Variants in SNX9 observed in about 807,000 individuals in gnomAD.
The protein encoded by SNX9 is sorting nexin 9, also known as sorting nexin-9.
SNX9 carries 44 observed loss-of-function variants against 89.4 expected under a neutral mutation model. That is an observed-to-expected ratio of 0.49 (90% CI 0.39 to 0.63). The LOEUF is 0.63. SNX9 is among the 30% of genes least tolerant of loss of function. SNX9 has a pLI of 0.00. For missense variants in SNX9, 578 were observed against 736.1 expected (o/e 0.79, Z 2.49); for synonymous variants, 236 against 247.8 (o/e 0.95, Z 0.45).
rs538498109 is a variant in SNX9, at chr6:157,921,203, T to A, written c.950-328T>A. Among the ~76,000 whole-genome samples the A allele has an allele frequency of 9.2e-5, 14 of 152,336 alleles. 1 individual carries two copies. The highest frequency in any genetic ancestry group is 3.4e-3 in the Middle Eastern group (1 of 294). On this transcript the variant is annotated intron_variant, in intron 9 of 17. Coordinates refer to ENST00000392185, the MANE Select transcript of SNX9 (RefSeq NM_016224.5). Reference sequence around the variant, plus strand: ...AAAGAGACAGGTTTTCATGTTGAGATAAGATTTAATTTTTTTTTAGTACTT... The same window carrying A: ...AAAGAGACAGGTTTTCATGTTGAGAAAAGATTTAATTTTTTTTTAGTACTT...
chr6:157,876,136 C>T lies in SNX9; in HGVS notation c.300+960C>T, dbSNP rs980035259. On this transcript the variant is annotated intron_variant, in intron 4 of 17. Coordinates refer to ENST00000392185, the MANE Select transcript of SNX9 (RefSeq NM_016224.5). ...GGCCTGATGATAATCATATCACTTA[C>T]AAGTATTTGCTTATAAAATATCTGT... 4.0e-5 allele frequency among the ~76,000 whole-genome samples: 6 copies of T among 150,712 alleles called. No homozygotes were observed. In the South Asian group the frequency reaches 1.3e-3, roughly 32 times the overall value.
chr6:157,914,469 CTTTTTTTTTT>C (rs34419515), intron 9 of SNX9, among the ~76,000 whole-genome samples: 2 of 75,132 alleles, frequency 2.7e-5, no homozygotes, highest in African/African-American at 5.6e-5. Context: ...TTTTCTTTTT[CTTTTTTTTTT>C]TTTTTTTTTT....
At chr6:157,911,219 G>C (rs1783336693) in intron 9 of SNX9, among the ~76,000 whole-genome samples, 1 of 152,236 alleles carries the variant, frequency 6.6e-6, no homozygotes, top group Non-Finnish European at 1.5e-5. Context: ...ACATGAACTA[G>C]TGAAAATAGA....
In SNX9 at chr6:157,896,816, C is replaced by T. The variant is rs765909870; in HGVS notation, c.301-11C>T. The T allele has an allele frequency of 2.5e-6, 4 of 1,611,666 alleles. No individual in the cohort carries two copies. Among genetic ancestry groups the T allele is most frequent in the African/African-American group, 1.3e-5 (1 of 74,692 alleles). ...CACAAAAATTCTCCTTCTTTTTACC[C>T]CTCTCAATAGGTTGGCAGTGGCAAT... On this transcript the variant is annotated splice_polypyrimidine_tract_variant and intron_variant, in intron 4 of 17. Transcript: ENST00000392185.
At chr6:157,846,284 A>AT (rs1170299666) in intron 1 of SNX9, among the ~76,000 whole-genome samples, 1 of 152,188 alleles carries the variant, frequency 6.6e-6, no homozygotes, top group Admixed American at 6.5e-5. Flanking sequence ...TGGCAGTCTT[A>AT]TTTTACCATA....
At chr6:157,849,639 T>A (rs1455008816) in intron 1 of SNX9, among the ~76,000 whole-genome samples, 2 of 152,150 alleles carry the variant, frequency 1.3e-5, no homozygotes, top group Non-Finnish European at 2.9e-5. Flanking sequence ...GTGAGTAGAT[T>A]GTAGCAGTAT....
At position 157,833,947 on chromosome 6, in the gene SNX9, A is replaced by G. The variant is rs1048842027; in HGVS notation, c.12+10501A>G. On this transcript the variant is annotated intron_variant, in intron 1 of 17. Transcript: ENST00000392185. ...GAGGCTTATTGCCAGACAGCTGAGC[A>G]AGGAGACAGGAGTTGGACTTAAGTC... Among the ~76,000 whole-genome samples, 5 of 152,126 alleles carry G rather than the reference A, an allele frequency of 3.3e-5. No homozygotes were observed. In the East Asian group the frequency reaches 9.6e-4, roughly 29 times the overall value.
At chr6:157,911,901 G>A (rs1039629614) in intron 9 of SNX9, among the ~76,000 whole-genome samples, 1 of 152,112 alleles carries the variant, frequency 6.6e-6, no homozygotes, top group African/African-American at 2.4e-5. Context: ...TGAAAATGGG[G>A]CTGCACTACT....
intron 4 of SNX9, among the ~76,000 whole-genome samples, chr6:157,881,785 A>G (rs1290476396): frequency 6.6e-6 from 1 of 152,238 alleles, no homozygotes; most frequent in African/African-American, 2.4e-5. Flanking sequence ...GTGAAGGCTG[A>G]GAGAGGTGAG....
chr6:157,867,477 G>C, intron 1 of SNX9, 70 bp from the exon 2 acceptor site: 10 of 1,266,182 alleles, frequency 7.9e-6, no homozygotes, highest in Non-Finnish European at 1.1e-5. Context: ...AAAGTGAACT[G>C]TACACCTTTT....
intron 5 of SNX9, among the ~76,000 whole-genome samples, chr6:157,898,489 G>T (rs1429675475): frequency 6.6e-6 from 1 of 152,234 alleles, no homozygotes; most frequent in Non-Finnish European, 1.5e-5. Context: ...CATCTCAGCA[G>T]CTAACACGTT....
At chr6:157,922,414 T>C (rs939936668) in intron 10 of SNX9, among the ~76,000 whole-genome samples, 4 of 152,218 alleles carry the variant, frequency 2.6e-5, no homozygotes, top group Admixed American at 2.6e-4. Context: ...CAGCAGATGC[T>C]AAATACATTA....
At position 157,937,509 on chromosome 6, in the gene SNX9, A is replaced by G. The variant is rs1783950307; in HGVS notation, c.1519A>G (p.Ile507Val). The part of the protein sequence containing the change: ...KGFLGCFPDI[I>V]GTHKGAIEKV... The stretch of plus-strand genomic sequence containing the variant: ...TTTTCTTGGCTGCTTCCCTGACATC[A>G]TTGGCACTCACAAGGTAACCTGATC... The change falls in exon 15 of 18, where the codon ATT becomes GTT. Residue 507 changes from isoleucine (I) to valine (V), a missense_variant. Physicochemically the swap from Ile to Val is conservative, Grantham distance 29. Around this residue, in one of 2 missense-constraint regions of SNX9, gnomAD observed 348 missense variants for 491.4 expected, o/e 0.71. Transcript: ENST00000392185. 1.2e-6 allele frequency: 2 copies of G among 1,613,506 alleles called. No individual in the cohort carries two copies. The highest frequency in any genetic ancestry group is 4.5e-5 in the East Asian group (2 of 44,860).
rs141058424 is a variant in SNX9, at chr6:157,874,663, C to T, written c.175-388C>T. Reference sequence around the variant, plus strand: ...AGCTTACATGGAACATTCTCTAAGACAGACCACATATTCTGAGCCATAAAA... The same window carrying T: ...AGCTTACATGGAACATTCTCTAAGATAGACCACATATTCTGAGCCATAAAA... On this transcript the variant is annotated intron_variant, in intron 3 of 17. Coordinates refer to ENST00000392185, the MANE Select transcript of SNX9 (RefSeq NM_016224.5). 161 of 169,644 alleles carry T rather than the reference C, an allele frequency of 9.5e-4. 4 individuals are homozygous for T. Among genetic ancestry groups the T allele is most frequent in the Admixed American group, 7.5e-4 (12 of 15,994 alleles). 10.5% of individuals were successfully genotyped at this position (169,644 alleles called of 1,614,324 possible). A position where few individuals can be genotyped will look rare whatever the true frequency, so the allele number is the denominator to read the frequency against.
intron 1 of SNX9, among the ~76,000 whole-genome samples, chr6:157,825,255 A>G (rs966933060): frequency 7.2e-5 from 11 of 152,252 alleles, no homozygotes; most frequent in African/African-American, 2.6e-4. Context: ...TTGAAAAAAG[A>G]AAAGACGAGA....
rs565791067 is a variant in SNX9 at position 157,879,186 on chromosome 6, G to A, written c.300+4010G>A. ...CCTCCTGCAGATCTGCTCGCAGAACGCAGGTTTCTGGGCAAGAACGTTTCC... is the reference window on the plus strand; with the variant it reads ...CCTCCTGCAGATCTGCTCGCAGAACACAGGTTTCTGGGCAAGAACGTTTCC... On this transcript the variant is annotated intron_variant, in intron 4 of 17. Transcript: ENST00000392185. Among the ~76,000 whole-genome samples the A allele has an allele frequency of 7.2e-5, 11 of 152,338 alleles. No individual in the cohort carries two copies. In the South Asian group the frequency reaches 2.1e-3, roughly 29 times the overall value.
intron 1 of SNX9, among the ~76,000 whole-genome samples, chr6:157,857,998 T>C (rs1782045645): frequency 6.6e-6 from 1 of 152,152 alleles, no homozygotes; most frequent in Non-Finnish European, 1.5e-5. Context: ...TAGGTGGCCT[T>C]TCCTTCATGT....
intron 4 of SNX9, among the ~76,000 whole-genome samples, chr6:157,882,088 C>G (rs943216776): frequency 1.3e-5 from 2 of 152,212 alleles, no homozygotes; most frequent in Non-Finnish European, 2.9e-5. Flanking sequence ...CAGGCTGACT[C>G]TCTTTAAGGG....
At chr6:157,839,115 G>T (rs1349733371) in intron 1 of SNX9, among the ~76,000 whole-genome samples, 2 of 152,124 alleles carry the variant, frequency 1.3e-5, no homozygotes, top group East Asian at 3.8e-4. Context: ...TAAAATACAG[G>T]TTTACTTAAA....
Sources: allele counts gnomAD v4.1 joint callset (sites outside exome capture counted in the v4.1 genomes callset), GRCh38; gene constraint gnomAD v4.1.1; regional missense constraint gnomAD v4.1.1; transcripts MANE v1.5; gene names NCBI Gene and HGNC (gene_info 2026-07-23, HGNC 2026-07-21).